The following TBC1D19 variants were observed in gnomAD, a reference collection of about 807,000 sequenced individuals.
The protein encoded by TBC1D19 is TBC1 domain family, member 19.
Under a neutral mutation model 89.0 loss-of-function variants are expected in TBC1D19, and 60 were observed. That is an observed-to-expected ratio of 0.67 (90% CI 0.55 to 0.84). The LOEUF (loss-of-function observed/expected upper bound fraction) is 0.84, where lower values mean the gene tolerates loss of function less well. Among genes scored for constraint, TBC1D19 ranks in the 40% least tolerant of loss-of-function variants. The pLI is 0.00. For synonymous variants in TBC1D19, 189 were observed against 199.7 expected, an observed-to-expected ratio of 0.95 and a Z score of 0.45; for missense variants, 500 against 610.8, an observed-to-expected ratio of 0.82 and a Z score of 1.91.
intron 13 of TBC1D19, among the ~76,000 whole-genome samples, chr4:26,700,692 A>AAAATTT (rs1715245715): frequency 2.0e-5 from 3 of 152,290 alleles, no homozygotes; most frequent in Non-Finnish European, 4.4e-5. Flanking sequence ...ATCTGTTGAA[A>AAAATTT]GTTTCATAAT....
At chr4:26,792,951 AC>A in the TBC1D19 span, among the ~76,000 whole-genome samples, 1 of 152,238 alleles carries the variant, frequency 6.6e-6, no homozygotes, top group Non-Finnish European at 1.5e-5. Context: ...TGGTTCTGTA[AC>A]CAAAAAATTA....
chr4:26,771,716 A>C, the TBC1D19 span, among the ~76,000 whole-genome samples: 1 of 152,200 alleles, frequency 6.6e-6, no homozygotes, highest in African/African-American at 2.4e-5. Context: ...AAGATAAATA[A>C]GTTCAAGAGA....
the TBC1D19 span, among the ~76,000 whole-genome samples, chr4:26,778,019 C>T: frequency 4.0e-5 from 6 of 148,404 alleles, no homozygotes; most frequent in African/African-American, 1.0e-4. Flanking sequence ...GATGCAGTTG[C>T]GTCTCAACCT....
the TBC1D19 span, among the ~76,000 whole-genome samples, chr4:26,790,628 A>G: frequency 5.9e-5 from 9 of 152,338 alleles, no homozygotes; most frequent in Admixed American, 1.3e-4. Context: ...ACAGAGTTTT[A>G]TTTCTTAGAT....
chr4:26,767,482 A>C, the TBC1D19 span, among the ~76,000 whole-genome samples: 1 of 152,140 alleles, frequency 6.6e-6, no homozygotes, highest in Non-Finnish European at 1.5e-5. Flanking sequence ...TATAGAAAGC[A>C]GGGCCTTTGA....
chr4:26,833,316 C>T, the TBC1D19 span, among the ~76,000 whole-genome samples: 9 of 152,184 alleles, frequency 5.9e-5, no homozygotes, highest in South Asian at 1.7e-3. Flanking sequence ...GAGTGTGCGT[C>T]AGCTTTATTG....
At chr4:26,745,326 C>A (rs1040737914) in intron 18 of TBC1D19, among the ~76,000 whole-genome samples, 97 of 151,716 alleles carry the variant, frequency 6.4e-4, no homozygotes, top group African/African-American at 2.3e-3. Context: ...GAATTGGAAT[C>A]AACTATATTA....
the TBC1D19 span, among the ~76,000 whole-genome samples, chr4:26,852,723 C>A: frequency 6.6e-6 from 1 of 152,036 alleles, no homozygotes. Context: ...GGGTTCACAC[C>A]ATTCTCCTGC....
In TBC1D19 at chr4:26,602,450, TTTTTTTTTTG is replaced by T. The variant is rs1167533464; in HGVS notation, c.100-10718_100-10709del. Reference sequence around the variant, plus strand: ...CTATTGTATTCTTTTTTTTTTTTTTTTTTTTTTTTGAGACGGAGACTTGCTCTGTCACCCA... The same window carrying T: ...CTATTGTATTCTTTTTTTTTTTTTTTAGACGGAGACTTGCTCTGTCACCCA... On this transcript the variant is annotated intron_variant, in intron 1 of 20. Transcript: ENST00000264866. Among the ~76,000 whole-genome samples, 6 of 142,274 alleles carry T rather than the reference TTTTTTTTTTG, an allele frequency of 4.2e-5. No homozygotes were observed. The Admixed American group carries it at 4.2e-4, about 10-fold the overall frequency. The allele number at this position is 142,274 out of a possible 152,430, so 93.3% of individuals were successfully genotyped here.
At chr4:26,823,402 G>A in the TBC1D19 span, among the ~76,000 whole-genome samples, 160 of 152,334 alleles carry the variant, frequency 1.1e-3, no homozygotes, top group African/African-American at 3.6e-3. Context: ...ATTGGTCAGG[G>A]ATGGGTTTGT....
chr4:26,584,940 T>C, intron 1 of TBC1D19: 1 of 195,322 alleles, frequency 5.1e-6, no homozygotes, highest in Non-Finnish European at 1.1e-5. Context: ...CACAGTGCTT[T>C]TGAGATTCAT....
At chr4:26,616,209 A>G (rs1741691470) in intron 3 of TBC1D19, among the ~76,000 whole-genome samples, 1 of 152,192 alleles carries the variant, frequency 6.6e-6, no homozygotes, top group South Asian at 2.1e-4. Flanking sequence ...GCTTAGTATG[A>G]GAGCAAAATT....
intron 15 of TBC1D19, among the ~76,000 whole-genome samples, chr4:26,732,444 AT>A (rs988728527): frequency 6.6e-6 from 1 of 151,960 alleles, no homozygotes; most frequent in Non-Finnish European, 1.5e-5. Context: ...TTTTATTATG[AT>A]TGTTTTGTCC....
intron 1 of TBC1D19, among the ~76,000 whole-genome samples, chr4:26,589,179 G>A (rs1003057026): frequency 5.9e-5 from 9 of 152,070 alleles, no homozygotes; most frequent in Non-Finnish European, 8.8e-5. Context: ...GGAAGCTGAG[G>A]CAGGAGAATT....
intron 5 of TBC1D19, among the ~76,000 whole-genome samples, chr4:26,638,123 A>AGTTTTTCTTTGT (rs1270763664): frequency 2.7e-4 from 40 of 149,130 alleles, no homozygotes; most frequent in African/African-American, 9.6e-4. Context: ...AAGATGAGAA[A>AGTTTTTCTTTGT]GAAAAGAAAA....
At chr4:26,811,553 G>T in the TBC1D19 span, among the ~76,000 whole-genome samples, 1 of 152,172 alleles carries the variant, frequency 6.6e-6, no homozygotes, top group Non-Finnish European at 1.5e-5. Flanking sequence ...CCCTAGAGAG[G>T]GTTCTTGGAT....
the TBC1D19 span, among the ~76,000 whole-genome samples, chr4:26,815,455 C>G: frequency 6.6e-6 from 1 of 152,196 alleles, no homozygotes; most frequent in Non-Finnish European, 1.5e-5. Flanking sequence ...TCAGTTGAGC[C>G]TAATCCTGTT....
chr4:26,701,580 TTTC>T (rs1384870959), intron 13 of TBC1D19, among the ~76,000 whole-genome samples: 2 of 152,168 alleles, frequency 1.3e-5, no homozygotes, highest in South Asian at 2.1e-4. Context: ...AGAAGGAAGC[TTTC>T]TTCTTTTATC....
At chr4:26,626,486 T>C (rs1742408289) in intron 4 of TBC1D19, among the ~76,000 whole-genome samples, 1 of 152,132 alleles carries the variant, frequency 6.6e-6, no homozygotes, top group Admixed American at 6.6e-5. Flanking sequence ...GATAACCCTA[T>C]GAGGTGGGTT....
Sources: allele counts gnomAD v4.1 joint callset (sites outside exome capture counted in the v4.1 genomes callset), GRCh38; gene constraint gnomAD v4.1.1; transcripts MANE v1.5; gene names NCBI Gene and HGNC (gene_info 2026-07-23, HGNC 2026-07-21).